Variants in NYAP2 observed in about 807,000 individuals in gnomAD.
NYAP2 encodes the protein neuronal tyrosine-phosphorylated phosphoinositide-3-kinase adapter 2.
NYAP2 carries 23 observed loss-of-function variants against 50.4 expected under a neutral mutation model. The observed-to-expected ratio is 0.46, with a 90% CI of 0.33 to 0.65. The LOEUF (loss-of-function observed/expected upper bound fraction) is 0.65, where lower values mean the gene tolerates loss of function less well. NYAP2 is among the 30% of genes least tolerant of loss of function. The pLI is 0.02. For synonymous variants in NYAP2, 394 were observed against 365.2 expected, an observed-to-expected ratio of 1.08 and a Z score of -0.90; for missense variants, 885 against 861.0, an observed-to-expected ratio of 1.03 and a Z score of -0.35.
intron 5 of NYAP2, among the ~76,000 whole-genome samples, chr2:225,618,413 G>A (rs1693026411): frequency 6.6e-6 from 1 of 152,236 alleles, no homozygotes; most frequent in Non-Finnish European, 1.5e-5. Context: ...TACACTCTGT[G>A]TTATTGTAAT....
At chr2:225,671,410 C>G in the NYAP2 span, among the ~76,000 whole-genome samples, 1 of 152,174 alleles carries the variant, frequency 6.6e-6, no homozygotes, top group Non-Finnish European at 1.5e-5. Flanking sequence ...AGCAACTCAT[C>G]ATGTGTTCAA....
the NYAP2 span, among the ~76,000 whole-genome samples, chr2:225,661,084 T>C: frequency 6.6e-6 from 1 of 152,224 alleles, no homozygotes; most frequent in Non-Finnish European, 1.5e-5. Flanking sequence ...ACTGGTTAAA[T>C]GGAAAAATTC....
At chr2:225,520,006 A>G (rs1691018435) in intron 4 of NYAP2, among the ~76,000 whole-genome samples, 1 of 152,038 alleles carries the variant, frequency 6.6e-6, no homozygotes, top group Non-Finnish European at 1.5e-5. Context: ...TTTGATTTGC[A>G]TTTCTCTGAT....
At chr2:225,556,328 A>C (rs1691775453) in intron 4 of NYAP2, among the ~76,000 whole-genome samples, 1 of 152,240 alleles carries the variant, frequency 6.6e-6, no homozygotes, top group African/African-American at 2.4e-5. Context: ...AATAGATATA[A>C]TTTTATTACA....
At chr2:225,626,103 T>A (rs1693206604) in intron 5 of NYAP2, among the ~76,000 whole-genome samples, 1 of 152,166 alleles carries the variant, frequency 6.6e-6, no homozygotes, top group Admixed American at 6.5e-5. Context: ...AAAGAACCAG[T>A]AGTTTAATAA....
At chr2:225,410,147 T>G (rs1695010953) in intron 3 of NYAP2, among the ~76,000 whole-genome samples, 1 of 152,132 alleles carries the variant, frequency 6.6e-6, no homozygotes, top group East Asian at 1.9e-4. Flanking sequence ...AAAATAACTT[T>G]ATGGAGAGAG....
At chr2:225,420,475 A>G (rs1181129507) in intron 3 of NYAP2, among the ~76,000 whole-genome samples, 1 of 152,212 alleles carries the variant, frequency 6.6e-6, no homozygotes, top group Non-Finnish European at 1.5e-5. Context: ...TATATTCAAC[A>G]TCACAGGGTA....
intron 3 of NYAP2, among the ~76,000 whole-genome samples, chr2:225,446,752 A>T (rs538947167): frequency 6.6e-6 from 1 of 152,280 alleles, no homozygotes; most frequent in Admixed American, 6.5e-5. Context: ...ACAGTCTGTA[A>T]ACAGCAGCAG....
chr2:225,575,285 C>T (rs569943585), intron 4 of NYAP2, among the ~76,000 whole-genome samples: 2 of 152,316 alleles, frequency 1.3e-5, no homozygotes, highest in African/African-American at 4.8e-5. Context: ...CCTCTGCTGT[C>T]ACTGAGTACC....
intron 3 of NYAP2, among the ~76,000 whole-genome samples, chr2:225,478,018 A>G (rs1314224316): frequency 2.6e-5 from 4 of 152,222 alleles, no homozygotes; most frequent in Non-Finnish European, 5.9e-5. Context: ...ATAAGGGAAG[A>G]AAGAAAACCC....
the NYAP2 span, among the ~76,000 whole-genome samples, chr2:225,671,925 G>A: frequency 6.6e-6 from 1 of 152,054 alleles, no homozygotes; most frequent in East Asian, 1.9e-4. Flanking sequence ...CTGTGCAGTA[G>A]GTCTCAACAT....
At chr2:225,450,602 G>A (rs369477666) in intron 3 of NYAP2, among the ~76,000 whole-genome samples, 4 of 152,348 alleles carry the variant, frequency 2.6e-5, no homozygotes, top group African/African-American at 9.6e-5. Flanking sequence ...TAAAAATTAT[G>A]TGCCTCAGTT....
intron 4 of NYAP2, among the ~76,000 whole-genome samples, chr2:225,542,223 A>G (rs1210412101): frequency 6.6e-6 from 1 of 152,120 alleles, no homozygotes; most frequent in African/African-American, 2.4e-5. Context: ...AACAAGGATA[A>G]TTGAATTTCT....
rs142858803 is a variant in NYAP2, at chr2:225,576,092, A to G, written c.524-5849A>G. 6.7e-3 allele frequency among the ~76,000 whole-genome samples: 1,015 copies of G among 152,344 alleles called. 12 individuals carry two copies. Among genetic ancestry groups the G allele is most frequent in the African/African-American group, 0.023 (966 of 41,566 alleles). ...AGCAAAAGTGAGTGTAAATAAAAAT[A>G]TACTTCAAAGTAATTTTCCAATGTT... On this transcript the variant is annotated intron_variant, in intron 4 of 6. Transcript: ENST00000636099.
At chr2:225,615,601 T>A (rs992251049) in intron 5 of NYAP2, among the ~76,000 whole-genome samples, 18 of 152,214 alleles carry the variant, frequency 1.2e-4, no homozygotes, top group African/African-American at 4.3e-4. Flanking sequence ...TGTTCCCCTG[T>A]GTTACAGTGA....
chr2:225,557,623 C>A (rs1691802747), intron 4 of NYAP2, among the ~76,000 whole-genome samples: 1 of 152,048 alleles, frequency 6.6e-6, no homozygotes, highest in East Asian at 1.9e-4. Context: ...GAGGGAGAAC[C>A]TTTCTAAATA....
At chr2:225,627,415 A>T (rs763174408) in intron 6 of NYAP2, among the ~76,000 whole-genome samples, 18 of 152,242 alleles carry the variant, frequency 1.2e-4, no homozygotes, top group Non-Finnish European at 2.4e-4. Context: ...CTTCAAAAAT[A>T]TCTAGAGGCC....
chr2:225,441,450 G>A (rs542183422), intron 3 of NYAP2, among the ~76,000 whole-genome samples: 6 of 152,256 alleles, frequency 3.9e-5, no homozygotes, highest in Non-Finnish European at 7.4e-5. Context: ...CTAGACTACT[G>A]TATTAGTCCA....
chr2:225,618,199 G>T (rs965449161), intron 5 of NYAP2, among the ~76,000 whole-genome samples: 5 of 152,170 alleles, frequency 3.3e-5, no homozygotes, highest in East Asian at 1.9e-4. Flanking sequence ...CGTACCAAGG[G>T]CTTATGACTG....
Sources: allele counts gnomAD v4.1 joint callset (sites outside exome capture counted in the v4.1 genomes callset), GRCh38; gene constraint gnomAD v4.1.1; transcripts MANE v1.5; gene names NCBI Gene and HGNC (gene_info 2026-07-23, HGNC 2026-07-21).